PACRGL: variants seen among roughly 807,000 people sequenced by gnomAD.
PACRGL encodes parkin coregulated like, also known as PACRG-like protein.
In PACRGL, 38 loss-of-function variants were observed where a neutral mutation model predicts 34.5. The observed-to-expected ratio is 1.10, with a 90% confidence interval of 0.85 to 1.44. The LOEUF is 1.44. PACRGL is among the 40% of genes most tolerant of loss of function. The pLI, the probability that PACRGL is intolerant of heterozygous loss-of-function variation, is 0.00. For missense variants in PACRGL, 305 were observed against 281.4 expected (o/e 1.08, Z -0.60); for synonymous variants, 128 against 100.1 (o/e 1.28, Z -1.66).
intron 4 of PACRGL, 22 bp downstream of exon 4, chr4:20,707,892 A>G (rs1365293763): frequency 6.5e-7 from 1 of 1,539,996 alleles, no homozygotes; most frequent in Non-Finnish European, 9.0e-7. Context: ...ATGATTTATA[A>G]CTGACCAAAT....
At chr4:20,739,019 A>G (rs1298675654) in intron 8 of PACRGL, among the ~76,000 whole-genome samples, 1 of 152,190 alleles carries the variant, frequency 6.6e-6, no homozygotes, top group Admixed American at 6.5e-5. Context: ...TCGAACTGCA[A>G]GGCAACAGTG....
chr4:20,731,324 T>G lies in PACRGL; in HGVS notation c.*3983T>G. 1 of 897,084 alleles carries G rather than the reference T, an allele frequency of 1.1e-6. No individual in the cohort carries two copies. The highest frequency in any genetic ancestry group is 1.3e-6 in the Non-Finnish European group (1 of 749,274). The allele number at this position is 897,084 out of a possible 1,614,324, so 55.6% of individuals were successfully genotyped here. On this transcript the variant is annotated 3_prime_UTR_variant, in exon 9 of 9. Transcript: ENST00000503585. ...CCTGGCCTTAAGTTATCTTCCCGCC[T>G]CAGCCTCCCATAGTGCTGGGATTAC...
downstream of PACRGL, among the ~76,000 whole-genome samples, chr4:20,735,071 T>A (rs1749261439): frequency 1.3e-5 from 2 of 152,106 alleles, no homozygotes; most frequent in Non-Finnish European, 1.5e-5. Context: ...TAATAATAGT[T>A]TTTTCAAAAA....
At chr4:20,699,285 G>C (rs1218038559), upstream of PACRGL, among the ~76,000 whole-genome samples, 2 of 152,050 alleles carry the variant, frequency 1.3e-5, no homozygotes, top group Non-Finnish European at 2.9e-5. Context: ...CATTGCGCTA[G>C]GCATTGGGGA....
chr4:20,741,409 T>TAA (rs1404556222), intron 8 of PACRGL, among the ~76,000 whole-genome samples: 3 of 151,258 alleles, frequency 2.0e-5, no homozygotes, highest in Non-Finnish European at 4.4e-5. Context: ...AACTCAAGAT[T>TAA]GAAACTCACT....
intron 5 of PACRGL, among the ~76,000 whole-genome samples, chr4:20,711,375 A>G (rs11931907): frequency 0.021 from 3,231 of 152,244 alleles, 105 homozygotes; most frequent in African/African-American, 0.072. Context: ...ATTTACTAAC[A>G]GATAAGTAGT....
chr4:20,745,223 T>G (rs58385648), intron 8 of PACRGL, among the ~76,000 whole-genome samples: 17,150 of 152,142 alleles, frequency 0.11, 1,134 homozygotes, highest in South Asian at 0.19. Context: ...CATTTTTTTT[T>G]GTCACTTGGT....
At chr4:20,746,300 C>T (rs143968931) in intron 8 of PACRGL, among the ~76,000 whole-genome samples, 2,466 of 152,078 alleles carry the variant, frequency 0.016, 29 homozygotes, top group Non-Finnish European at 0.027. Flanking sequence ...CATGTTCTCA[C>T]TCATAGCTGG....
rs73110220 is a variant in PACRGL, at chr4:20,731,093, T to C, written c.*3752T>C. On this transcript the variant is annotated 3_prime_UTR_variant, in exon 9 of 9. Coordinates refer to ENST00000503585, the MANE Select transcript of PACRGL (RefSeq NM_001258345.3). ...TTGAAAAATTCTTTTTTTCTTTTTT[T>C]AGTTTTGAGGCAGAGTCTATTTCTG... Among the ~76,000 whole-genome samples, 2,554 of 152,326 alleles carry C rather than the reference T, an allele frequency of 0.017. 64 individuals are homozygous for C. Among genetic ancestry groups the C allele is most frequent in the African/African-American group, 0.059 (2,450 of 41,556 alleles).
chr4:20,702,570 C>T (rs549768960), intron 1 of PACRGL: 2 of 159,600 alleles, frequency 1.3e-5, no homozygotes, highest in East Asian at 3.6e-4. Context: ...TCTTACTAGT[C>T]TTCATCAACA....
chr4:20,701,315 C>G (rs1732076422), intron 1 of PACRGL, among the ~76,000 whole-genome samples: 2 of 152,114 alleles, frequency 1.3e-5, no homozygotes, highest in Non-Finnish European at 2.9e-5. Flanking sequence ...GATAGATGAC[C>G]TGTAGCAACC....
intron 8 of PACRGL, among the ~76,000 whole-genome samples, chr4:20,749,915 G>A (rs1480966575): frequency 2.6e-5 from 4 of 152,178 alleles, no homozygotes; most frequent in Admixed American, 6.5e-5. Context: ...ACAGGAAGAA[G>A]CAACCTACAT....
At chr4:20,748,933 G>C (rs1240917526) in intron 8 of PACRGL, among the ~76,000 whole-genome samples, 1 of 148,546 alleles carries the variant, frequency 6.7e-6, no homozygotes, top group Non-Finnish European at 1.5e-5. Flanking sequence ...ACATATATAA[G>C]CTATGTAAAT....
At chr4:20,754,658 TAATGA>T (rs1477977083), downstream of PACRGL, among the ~76,000 whole-genome samples, 1 of 152,242 alleles carries the variant, frequency 6.6e-6, no homozygotes, top group African/African-American at 2.4e-5. Flanking sequence ...TTAACATGAA[TAATGA>T]AATAATTGTT....
the PACRGL span, among the ~76,000 whole-genome samples, chr4:20,761,891 C>T: frequency 1.3e-5 from 2 of 152,122 alleles, no homozygotes; most frequent in African/African-American, 2.4e-5. Context: ...ATATTCATTA[C>T]ATTAGTTTAC....
chr4:20,711,005 T>C (rs1736892835), intron 5 of PACRGL, among the ~76,000 whole-genome samples: 2 of 151,924 alleles, frequency 1.3e-5, no homozygotes, highest in South Asian at 4.2e-4. Flanking sequence ...CTGACCTACA[T>C]AGGGAGACCC....
At position 20,713,445 on chromosome 4, in the gene PACRGL, A is replaced by G. The variant is rs1738260452; in HGVS notation, c.515A>G (p.Asp172Gly). Residue 172 changes from aspartate (D) to glycine (G), a missense_variant, in exon 7 of 9, where the codon GAT (aspartate) becomes GGT (glycine). By Grantham distance (94) the Asp-to-Gly change is moderately conservative. Coordinates refer to ENST00000503585, the MANE Select transcript of PACRGL (RefSeq NM_001258345.3). ...VLKAALVHSDDEVFERGLNAL... is the reference protein window; with the variant it reads ...VLKAALVHSDGEVFERGLNAL... ...CCAACCTTACAGGTCCATTCGGATG[A>G]TGAAGTGTTTGAAAGAGGATTGAAT... 6.2e-7 allele frequency: 1 copy of G among 1,613,472 alleles called. No individual in the cohort carries two copies.
chr4:20,733,656 C>A (rs1748892993), downstream of PACRGL, among the ~76,000 whole-genome samples: 1 of 152,056 alleles, frequency 6.6e-6, no homozygotes, highest in Non-Finnish European at 1.5e-5. Flanking sequence ...AATTGAAGAA[C>A]AAGAGATATT....
intron 7 of PACRGL, among the ~76,000 whole-genome samples, chr4:20,714,546 T>C (rs1038038343): frequency 6.6e-6 from 1 of 152,170 alleles, no homozygotes; most frequent in African/African-American, 2.4e-5. Context: ...GTCATTATGA[T>C]ATTAGCTGGT....
Sources: gnomAD v4.1 joint callset for allele counts (sites outside exome capture counted in the v4.1 genomes callset) on GRCh38, gnomAD v4.1.1 for gene constraint, MANE v1.5 for transcripts, NCBI Gene and HGNC (gene_info 2026-07-23, HGNC 2026-07-21) for gene names.